PTPRD: variants seen among roughly 807,000 people sequenced by gnomAD.
PTPRD encodes the protein receptor-type tyrosine-protein phosphatase delta.
PTPRD carries 34 observed loss-of-function variants against 214.5 expected under a neutral mutation model. The ratio of observed to expected loss-of-function variants is 0.16; its 90% CI spans 0.12 to 0.21. The LOEUF (loss-of-function observed/expected upper bound fraction) is 0.21, where lower values mean the gene tolerates loss of function less well. Among genes scored for constraint, PTPRD ranks in the 10% least tolerant of loss-of-function variants. The probability of loss-of-function intolerance (pLI) is 1.00; values close to 1 mark genes in which losing one functional copy is unlikely to be tolerated. For synonymous variants in PTPRD, 1,128 were observed against 845.7 expected (o/e 1.33, Z -5.79); for missense variants, 2,545 against 2,398.7 (o/e 1.06, Z -1.27).
intron 8 of PTPRD, among the ~76,000 whole-genome samples, chr9:9,483,415 G>C (rs1034688365): frequency 3.3e-5 from 5 of 152,224 alleles, no homozygotes; most frequent in African/African-American, 9.6e-5. Flanking sequence ...GGAGTCAATG[G>C]ATTTAGGAAA....
At chr9:8,994,876 T>C (rs1412577132) in intron 11 of PTPRD, among the ~76,000 whole-genome samples, 1 of 152,122 alleles carries the variant, frequency 6.6e-6, no homozygotes. Flanking sequence ...GTTCTACTTA[T>C]ATCCTACTGC....
intron 4 of PTPRD, among the ~76,000 whole-genome samples, chr9:10,025,483 C>G (rs925404800): frequency 2.0e-5 from 3 of 151,574 alleles, no homozygotes; most frequent in African/African-American, 7.3e-5. Context: ...ATAATACAAA[C>G]CATTAGACAG....
intron 3 of PTPRD, among the ~76,000 whole-genome samples, chr9:10,305,617 G>C (rs998742948): frequency 6.6e-6 from 1 of 152,046 alleles, no homozygotes; most frequent in Non-Finnish European, 1.5e-5. Flanking sequence ...TGAAGGATAT[G>C]AACACACACT....
chr9:8,443,435 C>T (rs183103562), intron 34 of PTPRD, among the ~76,000 whole-genome samples: 2 of 152,292 alleles, frequency 1.3e-5, no homozygotes, highest in East Asian at 3.9e-4. Flanking sequence ...TATTCAGTTG[C>T]TGTGCAGACA....
chr9:8,938,115 G>A (rs772968247), intron 11 of PTPRD, among the ~76,000 whole-genome samples: 3 of 152,158 alleles, frequency 2.0e-5, no homozygotes, highest in African/African-American at 7.2e-5. Context: ...TGTAGGCAAG[G>A]AGGTTTTGTA....
intron 9 of PTPRD, among the ~76,000 whole-genome samples, chr9:9,268,987 A>G (rs1342498208): frequency 6.6e-6 from 1 of 151,056 alleles, no homozygotes; most frequent in Non-Finnish European, 1.5e-5. Flanking sequence ...CACAGGCAAA[A>G]AAAAAACCAA....
At chr9:10,152,732 G>C (rs543970523) in intron 3 of PTPRD, among the ~76,000 whole-genome samples, 1 of 152,292 alleles carries the variant, frequency 6.6e-6, no homozygotes, top group East Asian at 1.9e-4. Flanking sequence ...GGCTGAGGCA[G>C]GAGAATAGCT....
At chr9:10,282,460 G>A (rs2095168514) in intron 3 of PTPRD, among the ~76,000 whole-genome samples, 2 of 152,086 alleles carry the variant, frequency 1.3e-5, no homozygotes. Flanking sequence ...AAATGTCGAG[G>A]TTGAGTTAGA....
chr9:8,493,531 GGTT>G (rs986178253), intron 26 of PTPRD, among the ~76,000 whole-genome samples: 3 of 152,150 alleles, frequency 2.0e-5, no homozygotes, highest in Admixed American at 2.0e-4. Flanking sequence ...TTTGCCAAAT[GGTT>G]GTTGTTGGAC....
chr9:8,651,884 T>C (rs1468964512), intron 12 of PTPRD, among the ~76,000 whole-genome samples: 2 of 152,202 alleles, frequency 1.3e-5, no homozygotes, highest in Non-Finnish European at 2.9e-5. Flanking sequence ...ACTACACGAA[T>C]ATTCTTGAAA....
At chr9:8,981,626 GA>G (rs546823861) in intron 11 of PTPRD, among the ~76,000 whole-genome samples, 7 of 151,696 alleles carry the variant, frequency 4.6e-5, no homozygotes, top group Non-Finnish European at 8.8e-5. Flanking sequence ...AGCTAATCTA[GA>G]AAAAAAATGT....
chr9:8,516,026 A>G (rs927794475), intron 21 of PTPRD, among the ~76,000 whole-genome samples: 1 of 152,254 alleles, frequency 6.6e-6, no homozygotes, highest in African/African-American at 2.4e-5. Flanking sequence ...CCAGGGATTG[A>G]AAAAATAATC....
chr9:8,364,543 G>T (rs1302464253), intron 39 of PTPRD, among the ~76,000 whole-genome samples: 1 of 152,206 alleles, frequency 6.6e-6, no homozygotes, highest in East Asian at 1.9e-4. Context: ...GGCACAGCCA[G>T]GCTAGCACTC....
chr9:8,959,918 C>T (rs1021121370), intron 11 of PTPRD, among the ~76,000 whole-genome samples: 6 of 152,038 alleles, frequency 3.9e-5, no homozygotes, highest in East Asian at 1.9e-4. Context: ...CAGTATTCAT[C>T]GAGTACCTCA....
intron 9 of PTPRD, among the ~76,000 whole-genome samples, chr9:9,241,469 A>G (rs10977607): frequency 0.25 from 37,592 of 152,036 alleles, 5,327 homozygotes; most frequent in Middle Eastern, 0.34. Flanking sequence ...ATTTTAAAAT[A>G]TGACCAGACA....
At chr9:10,114,992 G>T (rs1359088927) in intron 3 of PTPRD, among the ~76,000 whole-genome samples, 1 of 150,476 alleles carries the variant, frequency 6.6e-6, no homozygotes, top group African/African-American at 2.5e-5. Context: ...AAAGGGAGGG[G>T]TTCATCAGCT....
In PTPRD at chr9:8,317,807, T is replaced by C; in HGVS notation, c.*67A>G. Reference sequence around the variant, plus strand: ...AGAAGGACTTCTCAAGTGCCCTGTATGGCTCAGAAGAGACTCCATGGATAT... The same window carrying C: ...AGAAGGACTTCTCAAGTGCCCTGTACGGCTCAGAAGAGACTCCATGGATAT... On this transcript the variant is annotated 3_prime_UTR_variant, in exon 46 of 46. Coordinates refer to ENST00000381196, the MANE Select transcript of PTPRD (RefSeq NM_002839.4). The C allele has an allele frequency of 6.9e-7, 1 of 1,451,374 alleles. No individual in the cohort carries two copies. The highest frequency in any genetic ancestry group is 9.7e-7 in the Non-Finnish European group (1 of 1,034,390). 89.9% of individuals were successfully genotyped at this position (1,451,374 alleles called of 1,614,324 possible). A position where few individuals can be genotyped will look rare whatever the true frequency, so the allele number is the denominator to read the frequency against.
At chr9:8,696,790 C>T (rs1388182025) in intron 12 of PTPRD, among the ~76,000 whole-genome samples, 3 of 152,154 alleles carry the variant, frequency 2.0e-5, no homozygotes, top group Non-Finnish European at 2.9e-5. Flanking sequence ...TAAATTGATA[C>T]ATTTTAAATC....
chr9:10,402,945 G>C (rs1040018524), intron 2 of PTPRD, among the ~76,000 whole-genome samples: 3 of 151,112 alleles, frequency 2.0e-5, no homozygotes, highest in Non-Finnish European at 3.0e-5. Context: ...TGCTTCTTTC[G>C]CTTTTCACCG....
Sources: gnomAD v4.1 joint callset for allele counts (sites outside exome capture counted in the v4.1 genomes callset) on GRCh38, gnomAD v4.1.1 for gene constraint, MANE v1.5 for transcripts, NCBI Gene and HGNC (gene_info 2026-07-23, HGNC 2026-07-21) for gene names.